Variants in INPP4B observed in about 807,000 individuals in gnomAD.
INPP4B encodes inositol polyphosphate 4-phosphatase type II.
In INPP4B, 55 loss-of-function variants were observed where a neutral mutation model predicts 122.5. The ratio of observed to expected loss-of-function variants is 0.45; its 90% confidence interval spans 0.36 to 0.56. The LOEUF (loss-of-function observed/expected upper bound fraction) is 0.56, where lower values mean the gene tolerates loss of function less well. Among genes scored for constraint, INPP4B ranks in the 20% least tolerant of loss-of-function variants. The pLI, the probability that INPP4B is intolerant of heterozygous loss-of-function variation, is 0.00. For missense variants in INPP4B, 1,000 were observed against 1,097.7 expected (o/e 0.91, Z 1.26); for synonymous variants, 403 against 388.7 (o/e 1.04, Z -0.43).
intron 2 of INPP4B, among the ~76,000 whole-genome samples, chr4:142,517,559 T>C (rs555689565): frequency 2.8e-4 from 43 of 152,186 alleles, no homozygotes; most frequent in African/African-American, 1.0e-3. Flanking sequence ...AAATTAGCCA[T>C]TCATCAGAAA....
intron 9 of INPP4B, among the ~76,000 whole-genome samples, chr4:142,288,747 T>G (rs1271055465): frequency 6.6e-6 from 1 of 152,302 alleles, no homozygotes; most frequent in Non-Finnish European, 1.5e-5. Context: ...GATATAGTAT[T>G]GGGTAATTTG....
At chr4:142,062,636 T>C (rs1276335884) in intron 25 of INPP4B, among the ~76,000 whole-genome samples, 1 of 151,970 alleles carries the variant, frequency 6.6e-6, no homozygotes, top group East Asian at 1.9e-4. Flanking sequence ...CTTGGGGGGC[T>C]GAGGCAGGAG....
intron 7 of INPP4B, among the ~76,000 whole-genome samples, chr4:142,328,017 T>C (rs1463548282): frequency 1.3e-5 from 2 of 152,096 alleles, no homozygotes; most frequent in Non-Finnish European, 2.9e-5. Flanking sequence ...AAGATCCCAG[T>C]TTTCCTGAAA....
intron 18 of INPP4B, among the ~76,000 whole-genome samples, chr4:142,131,204 G>A (rs1225091486): frequency 6.6e-6 from 1 of 152,160 alleles, no homozygotes; most frequent in Non-Finnish European, 1.5e-5. Flanking sequence ...TTAAGAATAA[G>A]CTGCATAGGT....
At chr4:142,676,482 A>G (rs1225893439) in intron 2 of INPP4B, among the ~76,000 whole-genome samples, 2 of 152,190 alleles carry the variant, frequency 1.3e-5, no homozygotes, top group African/African-American at 2.4e-5. Context: ...CAGAATTGGA[A>G]AAAACTACTT....
chr4:142,487,033 C>T (rs1000345496), intron 2 of INPP4B, among the ~76,000 whole-genome samples: 9 of 152,092 alleles, frequency 5.9e-5, no homozygotes, highest in Admixed American at 1.3e-4. Context: ...GGGAGGGACC[C>T]GGTGAAAGAA....
intron 9 of INPP4B, among the ~76,000 whole-genome samples, chr4:142,295,102 C>T (rs953059873): frequency 6.6e-6 from 1 of 152,020 alleles, no homozygotes; most frequent in Admixed American, 6.6e-5. Flanking sequence ...CTTAGTTTAA[C>T]CTGAAACAAA....
intron 2 of INPP4B, among the ~76,000 whole-genome samples, chr4:142,523,903 C>A (rs1156960911): frequency 7.0e-6 from 1 of 143,542 alleles, no homozygotes; most frequent in African/African-American, 2.6e-5. Context: ...TGAGAATATG[C>A]GGTGTTTGGT....
chr4:142,068,830 A>T (rs1365490626), intron 25 of INPP4B, among the ~76,000 whole-genome samples: 1 of 152,238 alleles, frequency 6.6e-6, no homozygotes, highest in East Asian at 1.9e-4. Context: ...TGATTCATAA[A>T]GCAAGTCCTT....
At chr4:142,315,754 T>C (rs1193307975) in intron 7 of INPP4B, among the ~76,000 whole-genome samples, 1 of 151,354 alleles carries the variant, frequency 6.6e-6, no homozygotes, top group Admixed American at 6.6e-5. Context: ...GTTAAATGAA[T>C]ATAAAGCAAT....
In INPP4B at chr4:142,806,274, G is replaced by A. The variant is rs1313854729; in HGVS notation, c.-254+39935C>T. Among the ~76,000 whole-genome samples, 4 of 66,370 alleles carry A rather than the reference G, an allele frequency of 6.0e-5. No homozygotes were observed. In the Admixed American group the frequency reaches 1.0e-3, roughly 17 times the overall value. The allele number at this position is 66,370 out of a possible 152,430, so 43.5% of individuals were successfully genotyped here. ...GGCCTGGGAGAACGAGTGAGACTCC[G>A]TCTCAAAAAAAAAAAAAAAAAAAAA... On this transcript the variant is annotated intron_variant, in intron 1 of 25. Transcript: ENST00000262992.
chr4:142,831,142 T>C (rs1303363880), intron 1 of INPP4B, among the ~76,000 whole-genome samples: 1 of 152,208 alleles, frequency 6.6e-6, no homozygotes, highest in African/African-American at 2.4e-5. Flanking sequence ...GACCTAAGGA[T>C]ACATCCTCCC....
chr4:142,405,120 G>GGGGT lies in INPP4B; in HGVS notation c.255+85_255+86insACCC, dbSNP rs1481521642. ...CAAATCCAGAGATGGGGCGGGGGTG[G>GGGGT]GGGGGAGGGAGAGAGAGAGCAAGAG... On this transcript the variant is annotated intron_variant, in intron 6 of 25. Transcript: ENST00000262992. 45 of 701,310 alleles carry GGGGT rather than the reference G, an allele frequency of 6.4e-5. No homozygotes were observed. In the East Asian group the frequency reaches 1.2e-3, roughly 19 times the overall value. The allele number at this position is 701,310 out of a possible 1,614,324, so 43.4% of individuals were successfully genotyped here.
At chr4:142,050,728 T>C (rs908096434) in intron 25 of INPP4B, among the ~76,000 whole-genome samples, 2 of 152,068 alleles carry the variant, frequency 1.3e-5, no homozygotes, top group Non-Finnish European at 2.9e-5. Flanking sequence ...CAAACAAACA[T>C]GAACATGTAC....
chr4:142,137,778 T>G (rs568992922), intron 18 of INPP4B, among the ~76,000 whole-genome samples: 33 of 151,052 alleles, frequency 2.2e-4, no homozygotes, highest in African/African-American at 7.8e-4. Context: ...AAAAAACACA[T>G]GAAAAAATGC....
intron 2 of INPP4B, among the ~76,000 whole-genome samples, chr4:142,520,786 A>T (rs977518607): frequency 6.6e-6 from 1 of 151,980 alleles, no homozygotes; most frequent in African/African-American, 2.4e-5. Flanking sequence ...ATTTCTCCTC[A>T]GATTATTTGA....
chr4:142,104,796 C>A (rs1205130163), intron 23 of INPP4B, among the ~76,000 whole-genome samples: 1 of 152,162 alleles, frequency 6.6e-6, no homozygotes, highest in African/African-American at 2.4e-5. Flanking sequence ...ATCCCCTATA[C>A]TTTAAATTAC....
chr4:142,694,710 G>C (rs1760776652), intron 2 of INPP4B, among the ~76,000 whole-genome samples: 1 of 152,080 alleles, frequency 6.6e-6, no homozygotes, highest in South Asian at 2.1e-4. Flanking sequence ...CGTCCTTTGT[G>C]GTGAGCTCCG....
At chr4:142,069,594 A>G (rs1422723775) in intron 25 of INPP4B, among the ~76,000 whole-genome samples, 1 of 152,208 alleles carries the variant, frequency 6.6e-6, no homozygotes, top group African/African-American at 2.4e-5. Flanking sequence ...TAGCAAGACT[A>G]ATAAAGAAGA....
Sources: gnomAD v4.1 joint callset for allele counts (sites outside exome capture counted in the v4.1 genomes callset) on GRCh38, gnomAD v4.1.1 for gene constraint, MANE v1.5 for transcripts, NCBI Gene and HGNC (gene_info 2026-07-23, HGNC 2026-07-21) for gene names.